Variants in ANK3 observed in about 807,000 individuals in gnomAD.
ANK3 encodes the protein ankyrin-3.
In ANK3, 57 loss-of-function variants were observed where a neutral mutation model predicts 370.9. The ratio of observed to expected loss-of-function variants is 0.15; its 90% CI spans 0.12 to 0.19. The LOEUF (loss-of-function observed/expected upper bound fraction) is 0.19. ANK3 is among the 10% of genes least tolerant of loss of function. ANK3 has a pLI of 1.00. For missense variants in ANK3, 4,439 were observed against 5,302.1 expected, an observed-to-expected ratio of 0.84 and a Z score of 5.06; for synonymous variants, 1,929 against 1,946.3, an observed-to-expected ratio of 0.99 and a Z score of 0.23.
At chr10:60,667,099 T>C (rs1415594940) in intron 1 of ANK3, among the ~76,000 whole-genome samples, 1 of 151,286 alleles carries the variant, frequency 6.6e-6, no homozygotes, top group Non-Finnish European at 1.5e-5. Flanking sequence ...GCATTCTGTA[T>C]TTTTATTTGC....
rs187525970 is a variant in ANK3 at position 60,331,430 on chromosome 10, G to A, written c.115-51791C>T. Among the ~76,000 whole-genome samples the A allele has an allele frequency of 2.0e-3, 300 of 151,928 alleles. 2 individuals carry two copies. The highest frequency in any genetic ancestry group is 0.017 in the Middle Eastern group (5 of 294). On this transcript the variant is annotated intron_variant, in intron 1 of 43. Transcript: ENST00000280772. ...GATTGGAAAAAAAACAAAACAAAAT[G>A]AAACAGTGTTTTTCTCTGGTTGACG...
intron 1 of ANK3, among the ~76,000 whole-genome samples, chr10:60,370,138 C>A (rs2059912784): frequency 6.6e-6 from 1 of 152,156 alleles, no homozygotes; most frequent in South Asian, 2.1e-4. Context: ...ACATTTCAGA[C>A]AAGTGAAACC....
At chr10:60,225,429 TCCAGGGGATTCATATA>T (rs1393593353) in intron 8 of ANK3, among the ~76,000 whole-genome samples, 4 of 152,156 alleles carry the variant, frequency 2.6e-5, no homozygotes, top group Admixed American at 6.5e-5. Flanking sequence ...AGAAAACTTC[TCCAGGGGATTCATATA>T]CCTACTCAAG....
At chr10:60,499,851 T>G in intron 2 of ANK3, among the ~76,000 whole-genome samples, 1 of 152,226 alleles carries the variant, frequency 6.6e-6, no homozygotes, top group East Asian at 1.9e-4. Flanking sequence ...TTGGCTTCAC[T>G]GAGTATCAAC....
chr10:60,345,012 G>T (rs1467865348), intron 1 of ANK3, among the ~76,000 whole-genome samples: 1 of 152,086 alleles, frequency 6.6e-6, no homozygotes, highest in African/African-American at 2.4e-5. Context: ...AGGTCCATGG[G>T]TTTGCTAGTA....
intron 42 of ANK3, among the ~76,000 whole-genome samples, chr10:60,054,615 A>G (rs1239846393): frequency 6.6e-6 from 1 of 152,194 alleles, no homozygotes; most frequent in African/African-American, 2.4e-5. Context: ...AGGGAATAGG[A>G]AAGGATGTGA....
At chr10:60,725,637 G>T (rs565951012) in intron 1 of ANK3, among the ~76,000 whole-genome samples, 5 of 152,110 alleles carry the variant, frequency 3.3e-5, no homozygotes, top group Non-Finnish European at 5.9e-5. Context: ...AATAAAATGA[G>T]ACTCTCTACT....
chr10:60,476,715 T>C (rs2075074854), intron 2 of ANK3, among the ~76,000 whole-genome samples: 1 of 152,132 alleles, frequency 6.6e-6, no homozygotes, highest in South Asian at 2.1e-4. Context: ...ATGAATTGGA[T>C]TTACAGCCAA....
intron 1 of ANK3, among the ~76,000 whole-genome samples, chr10:60,388,643 C>T (rs2062764257): frequency 2.0e-5 from 3 of 152,040 alleles, no homozygotes; most frequent in Non-Finnish European, 4.4e-5. Context: ...CACCACTGAC[C>T]CAGAATATTC....
chr10:60,086,019 A>C (rs937744943), intron 30 of ANK3, among the ~76,000 whole-genome samples: 1 of 152,244 alleles, frequency 6.6e-6, no homozygotes, highest in African/African-American at 2.4e-5. Context: ...GGCATCAGCC[A>C]TTAAAATTAC....
chr10:60,729,140 CT>C (rs947877375), intron 1 of ANK3, among the ~76,000 whole-genome samples: 3 of 152,212 alleles, frequency 2.0e-5, no homozygotes, highest in Non-Finnish European at 4.4e-5. Flanking sequence ...ATGTCAGGTC[CT>C]TATCATTTTT....
At chr10:60,041,200 T>C (rs1474910807) in intron 43 of ANK3, among the ~76,000 whole-genome samples, 1 of 152,198 alleles carries the variant, frequency 6.6e-6, no homozygotes, top group Non-Finnish European at 1.5e-5. Context: ...CTACCCTGCA[T>C]TTAGAGCGAG....
At chr10:60,376,807 A>G (rs2132812273) in intron 1 of ANK3, among the ~76,000 whole-genome samples, 1 of 152,374 alleles carries the variant, frequency 6.6e-6, no homozygotes. Flanking sequence ...CACTAATTCT[A>G]TAATAATGAA....
At chr10:60,667,489 A>G (rs2079013472) in intron 1 of ANK3, among the ~76,000 whole-genome samples, 1 of 151,948 alleles carries the variant, frequency 6.6e-6, no homozygotes, top group South Asian at 2.1e-4. Context: ...CAAAGAAACC[A>G]AATGATATAA....
chr10:60,425,163 G>C (rs2063857082), intron 2 of ANK3, among the ~76,000 whole-genome samples: 1 of 152,060 alleles, frequency 6.6e-6, no homozygotes, highest in Non-Finnish European at 1.5e-5. Context: ...TGGAGTCTTT[G>C]TATATTCAGG....
chr10:60,033,192 A>G (rs2074084904), intron 43 of ANK3, among the ~76,000 whole-genome samples: 1 of 152,174 alleles, frequency 6.6e-6, no homozygotes, highest in Admixed American at 6.6e-5. Flanking sequence ...TATTTTTAAG[A>G]AACATTTTAA....
At chr10:60,705,562 C>T (rs1040329648) in intron 1 of ANK3, among the ~76,000 whole-genome samples, 2 of 152,090 alleles carry the variant, frequency 1.3e-5, no homozygotes, top group Non-Finnish European at 2.9e-5. Flanking sequence ...CCATGACACT[C>T]AAATGTCTCT....
chr10:60,698,465 C>A (rs181594246), intron 1 of ANK3, among the ~76,000 whole-genome samples: 2,595 of 150,790 alleles, frequency 0.017, 79 homozygotes, highest in African/African-American at 0.06. Context: ...ATGTTTATTG[C>A]GGCACTATTC....
At chr10:60,371,526 A>T (rs1487193116) in intron 1 of ANK3, among the ~76,000 whole-genome samples, 1 of 152,184 alleles carries the variant, frequency 6.6e-6, no homozygotes, top group Non-Finnish European at 1.5e-5. Flanking sequence ...ATTTGAACCA[A>T]AATGTTGAAA....
Sources: gnomAD v4.1 joint callset for allele counts (sites outside exome capture counted in the v4.1 genomes callset) on GRCh38, gnomAD v4.1.1 for gene constraint, MANE v1.5 for transcripts, NCBI Gene and HGNC (gene_info 2026-07-23, HGNC 2026-07-21) for gene names.